UBE3B: variants seen among roughly 807,000 people sequenced by gnomAD.
UBE3B encodes ubiquitin protein ligase E3B.
UBE3B carries 80 observed loss-of-function variants against 132.3 expected under a neutral mutation model. The observed-to-expected ratio is 0.60, with a 90% confidence interval of 0.50 to 0.73. The LOEUF is 0.73. Ranked by LOEUF, UBE3B falls within the 30% of genes least tolerant of loss-of-function variation. The pLI, the probability that UBE3B is intolerant of heterozygous loss-of-function variation, is 0.00. For missense variants in UBE3B, 1,196 were observed against 1,362.5 expected (o/e 0.88, Z 1.92); for synonymous variants, 487 against 520.4 (o/e 0.94, Z 0.87).
rs770520959 is a variant in UBE3B, at chr12:109,499,647, T to C, written c.955T>C (p.Leu319=). 1 of 1,600,260 alleles carries C rather than the reference T, an allele frequency of 6.2e-7. No homozygotes were observed. Among genetic ancestry groups the C allele is most frequent in the East Asian group, 2.3e-5 (1 of 43,676 alleles). ...TCTCTCTGTAGGCAACCTCCTACAC[T>C]TGGGCTCCCTCAGCCCCAGAGTGTT... ...TLCLMGNLLH[L]GSLSPRVLEE... The change falls in exon 12 of 28, where the codon TTG becomes CTG. Residue 319 remains leucine (L), a synonymous_variant. Transcript: ENST00000342494.
chr12:109,486,098 C>T lies in UBE3B; in HGVS notation c.342+27C>T, dbSNP rs745839378. On this transcript the variant is annotated intron_variant, in intron 5 of 27. Transcript: ENST00000342494. ...TAAGTGGACGGGAGCCGCAGTGTCT[C>T]CCACAAGCTCTTAAGGGCCAACCTA... The T allele has an allele frequency of 9.0e-6, 14 of 1,555,158 alleles. No individual in the cohort carries two copies. The Middle Eastern group carries it at 6.7e-4, about 74-fold the overall frequency.
intron 24 of UBE3B, among the ~76,000 whole-genome samples, chr12:109,527,448 G>A (rs1406700593): frequency 1.3e-5 from 2 of 152,192 alleles, no homozygotes; most frequent in Non-Finnish European, 2.9e-5. Flanking sequence ...AGTGACAAGT[G>A]AGGGCTCAGT....
rs768852371 is a variant in UBE3B at position 109,510,349 on chromosome 12, G to A, written c.1747G>A (p.Ala583Thr). Residue 583 changes from alanine to threonine, a missense_variant, in exon 17 of 28, where the codon GCC becomes ACC. Transcript: ENST00000342494. ...CCTGTTTGTTTGTCCCACAGAGAAC[G>A]CCAAGGGTGAGACCTTGGAGCTGTT... Reference protein sequence around the residue: ...KMIWDGIVENAKGETLELFQS... With the variant: ...KMIWDGIVENTKGETLELFQS... 116 of 1,604,276 alleles carry A rather than the reference G, an allele frequency of 7.2e-5. No individual in the cohort carries two copies. Among genetic ancestry groups the A allele is most frequent in the Non-Finnish European group, 8.9e-5 (105 of 1,175,158 alleles).
At chr12:109,532,292 A>G (rs1393220727) in intron 26 of UBE3B, among the ~76,000 whole-genome samples, 1 of 152,256 alleles carries the variant, frequency 6.6e-6, no homozygotes, top group East Asian at 1.9e-4. Flanking sequence ...AATGCTCGTC[A>G]CAGTGTGGAA....
In UBE3B at chr12:109,526,643, C is replaced by T. The variant is rs549739148; in HGVS notation, c.2627+227C>T. Among the ~76,000 whole-genome samples, 14 of 152,162 alleles carry T rather than the reference C, an allele frequency of 9.2e-5. No homozygotes were observed. The South Asian group carries it at 1.5e-3, about 16-fold the overall frequency. ...ATCCCAGCACTTTGTTAGGCCGAGG[C>T]GGGCGGATCACGAGGTCAGGAGTTC... On this transcript the variant is annotated intron_variant, in intron 24 of 27. Coordinates refer to ENST00000342494, the MANE Select transcript of UBE3B (RefSeq NM_130466.4).
Position 109,530,599 on chromosome 12 carries a change from T to G in UBE3B, c.2863T>G (p.Trp955Gly). Residue 955 changes from tryptophan (W) to glycine (G), a missense_variant, in exon 26 of 28, where the codon TGG becomes GGG. Trp to Gly is a radical substitution (Grantham distance 184, BLOSUM62 -2). Coordinates refer to ENST00000342494, the MANE Select transcript of UBE3B (RefSeq NM_130466.4). ...CCATGGAAGTCACAGAGTCATCATCTGGCTCTGGGATATTCTGGCCTCCGA... is the reference window on the plus strand; with the variant it reads ...CCATGGAAGTCACAGAGTCATCATCGGGCTCTGGGATATTCTGGCCTCCGA... ...GFHGSHRVII[W>G]LWDILASDFT... is the part of the protein sequence containing the mutation. The G allele has an allele frequency of 1.2e-6, 2 of 1,614,232 alleles. No homozygotes were observed. Among genetic ancestry groups the G allele is most frequent in the African/African-American group, 1.3e-5 (1 of 75,060 alleles).
downstream of UBE3B, among the ~76,000 whole-genome samples, chr12:109,538,170 G>T (rs554411219): frequency 2.0e-5 from 3 of 152,252 alleles, no homozygotes; most frequent in Non-Finnish European, 2.9e-5. This position sits in a 1 kb window ranked among gnomAD's most constrained non-coding sequence, Gnocchi z 4.1. Context: ...TTTGAGAAGC[G>T]CTGGCCTCCA....
At chr12:109,490,954 C>G in intron 8 of UBE3B, 91 bp from the exon 9 acceptor site, 2 of 1,364,722 alleles carry the variant, frequency 1.5e-6, no homozygotes, top group Non-Finnish European at 2.0e-6. Context: ...GTTTTTTTAT[C>G]TGAAGCACTC....
the UBE3B span, among the ~76,000 whole-genome samples, chr12:109,543,852 G>A: frequency 6.6e-6 from 1 of 152,038 alleles, no homozygotes; most frequent in Non-Finnish European, 1.5e-5. Flanking sequence ...AAAGTGGGGG[G>A]TAGCAGGAAA....
At chr12:109,517,864 T>A in intron 19 of UBE3B, 1 of 400,036 alleles carries the variant, frequency 2.5e-6, no homozygotes, top group East Asian at 7.6e-5. Context: ...CTCACGTGTC[T>A]TCATTTTCTC....
chr12:109,529,777 T>C (rs1882758740), intron 24 of UBE3B, 113 bp from the exon 25 acceptor site: 1 of 1,220,808 alleles, frequency 8.2e-7, no homozygotes, highest in African/African-American at 1.5e-5. Flanking sequence ...TCTGGTACTA[T>C]TTGTGTTTTT....
chr12:109,516,614 C>A, intron 18 of UBE3B, 151 bp from the exon 19 acceptor site: 1 of 1,255,944 alleles, frequency 8.0e-7, no homozygotes, highest in Non-Finnish European at 1.1e-6. Context: ...CTTCTGTTCT[C>A]ACAGGACACT....
chr12:109,546,087 C>T, the UBE3B span, among the ~76,000 whole-genome samples: 2 of 152,162 alleles, frequency 1.3e-5, no homozygotes, highest in African/African-American at 2.4e-5. Context: ...AGAATCAGTG[C>T]CCACTCCAAA....
intron 17 of UBE3B, 50 bp from the exon 18 acceptor site, chr12:109,511,154 G>A (rs1340370829): frequency 1.9e-6 from 3 of 1,563,332 alleles, no homozygotes; most frequent in South Asian, 2.3e-5. Flanking sequence ...TCACACTAGA[G>A]GATGGTTTCC....
At chr12:109,524,975 T>A (rs1229949974) in intron 23 of UBE3B, among the ~76,000 whole-genome samples, 1 of 152,042 alleles carries the variant, frequency 6.6e-6, no homozygotes, top group African/African-American at 2.4e-5. Context: ...GGCTTTTCTC[T>A]GTAGCAGCCT....
chr12:109,511,345 T>C (rs757091450), intron 18 of UBE3B, 42 bp downstream of exon 18: 1 of 1,581,904 alleles, frequency 6.3e-7, no homozygotes, highest in South Asian at 1.1e-5. Context: ...GTCTTTCTAT[T>C]CCCCCACGTG....
chr12:109,488,017 A>G (rs192368208), intron 6 of UBE3B, among the ~76,000 whole-genome samples: 274 of 152,342 alleles, frequency 1.8e-3, no homozygotes, highest in Non-Finnish European at 1.6e-3. Flanking sequence ...CCAACATTAC[A>G]TGGAGTTATC....
chr12:109,511,224 T>A lies in UBE3B; in HGVS notation c.1877T>A (p.Leu626His). Reference protein sequence around the residue: ...WLRKDLKPSVLFQELDRDRKR... With the variant: ...WLRKDLKPSVHFQELDRDRKR... ...TCAAGGGATCTCAAACCTAGCGTGC[T>A]CTTCCAAGAACTCGACAGGGACAGA... Residue 626 changes from leucine to histidine, a missense_variant, in exon 18 of 28, where the codon CTC (leucine) becomes CAC (histidine). Coordinates refer to ENST00000342494, the MANE Select transcript of UBE3B (RefSeq NM_130466.4). The A allele has an allele frequency of 6.2e-7, 1 of 1,614,162 alleles. No individual in the cohort carries two copies. Among genetic ancestry groups the A allele is most frequent in the Non-Finnish European group, 8.5e-7 (1 of 1,180,026 alleles).
chr12:109,492,473 G>A (rs1592898465), intron 9 of UBE3B: 2 of 152,220 alleles, frequency 1.3e-5, no homozygotes, highest in African/African-American at 2.4e-5. Context: ...CAGGCACGGC[G>A]GCCCATGCCT....
Sources: gnomAD v4.1 joint callset for allele counts (sites outside exome capture counted in the v4.1 genomes callset) on GRCh38, gnomAD v4.1.1 for gene constraint, Gnocchi (gnomAD v3.1) non-coding constraint, MANE v1.5 for transcripts, NCBI Gene and HGNC (gene_info 2026-07-23, HGNC 2026-07-21) for gene names.